GBE1: variants seen among roughly 807,000 people sequenced by gnomAD.
The protein encoded by GBE1 is 1,4-alpha-glucan branching enzyme 1, also known as 1,4-alpha-glucan-branching enzyme.
GBE1 carries 70 observed loss-of-function variants against 88.8 expected under a neutral mutation model. The observed-to-expected ratio is 0.79, with a 90% confidence interval of 0.65 to 0.96. The LOEUF (loss-of-function observed/expected upper bound fraction) is 0.96, where lower values mean the gene tolerates loss of function less well. GBE1 is among the 40% of genes least tolerant of loss of function. The pLI is 0.00. For missense variants in GBE1, 872 were observed against 871.0 expected (o/e 1.00, Z -0.01); for synonymous variants, 284 against 300.1 (o/e 0.95, Z 0.56).
intron 1 of GBE1, among the ~76,000 whole-genome samples, chr3:81,726,194 C>G (rs1472136129): frequency 3.3e-5 from 5 of 150,698 alleles, no homozygotes; most frequent in Admixed American, 3.3e-4. Context: ...TCTAACAATA[C>G]ATCCCCCTTC....
intron 1 of GBE1, among the ~76,000 whole-genome samples, chr3:81,747,991 G>A (rs575592227): frequency 2.0e-5 from 3 of 152,250 alleles, no homozygotes; most frequent in Admixed American, 6.5e-5. Context: ...ATGAAAGCAC[G>A]CACCTGTAAT....
chr3:81,717,517 T>C (rs1318923140), intron 1 of GBE1, among the ~76,000 whole-genome samples: 1 of 152,188 alleles, frequency 6.6e-6, no homozygotes, highest in Non-Finnish European at 1.5e-5. Context: ...TGTCTTTCAA[T>C]ATGGATGTTA....
chr3:81,548,582 C>T (rs371155868), intron 12 of GBE1, among the ~76,000 whole-genome samples: 5 of 151,122 alleles, frequency 3.3e-5, no homozygotes, highest in Admixed American at 2.0e-4. Context: ...CTTTGTCAAT[C>T]GTGTTTTTAA....
intron 8 of GBE1, among the ~76,000 whole-genome samples, chr3:81,593,692 C>A (rs1269098772): frequency 1.3e-5 from 2 of 152,030 alleles, no homozygotes; most frequent in Admixed American, 6.6e-5. Context: ...TTAAGCTACA[C>A]ACGAATTATA....
chr3:81,555,431 T>C (rs1385486309), intron 12 of GBE1, among the ~76,000 whole-genome samples: 1 of 152,130 alleles, frequency 6.6e-6, no homozygotes, highest in Non-Finnish European at 1.5e-5. Flanking sequence ...ATGACAGAAA[T>C]AGTATAGCAA....
At chr3:81,624,460 T>A (rs1704375640) in intron 7 of GBE1, among the ~76,000 whole-genome samples, 1 of 152,220 alleles carries the variant, frequency 6.6e-6, no homozygotes, top group African/African-American at 2.4e-5. Context: ...TTCATATATT[T>A]AATACAGAAA....
chr3:81,688,663 G>A (rs1705476676), intron 2 of GBE1, among the ~76,000 whole-genome samples: 1 of 151,950 alleles, frequency 6.6e-6, no homozygotes, highest in East Asian at 1.9e-4. Flanking sequence ...AGATTTAGGT[G>A]GTTCCTTTTG....
chr3:81,633,766 T>A (rs1425217291), intron 7 of GBE1, among the ~76,000 whole-genome samples: 1 of 152,192 alleles, frequency 6.6e-6, no homozygotes, highest in African/African-American at 2.4e-5. Flanking sequence ...TTGTCCTTAT[T>A]AGATTTGACT....
intron 3 of GBE1, among the ~76,000 whole-genome samples, chr3:81,658,429 T>C (rs909666925): frequency 8.5e-5 from 13 of 152,222 alleles, no homozygotes; most frequent in South Asian, 8.3e-4. Context: ...TATAAATATA[T>C]TACAATCTCA....
intron 14 of GBE1, among the ~76,000 whole-genome samples, chr3:81,511,617 G>A (rs564906412): frequency 3.6e-4 from 54 of 151,742 alleles, no homozygotes; most frequent in African/African-American, 1.2e-3. Flanking sequence ...AGAAATGCAC[G>A]TCAAAACCAC....
intron 2 of GBE1, among the ~76,000 whole-genome samples, chr3:81,678,403 T>C (rs1342585002): frequency 2.0e-5 from 3 of 152,186 alleles, no homozygotes; most frequent in African/African-American, 7.2e-5. Context: ...TGGGAGAAAA[T>C]AGTTTTATTA....
At chr3:81,556,198 T>C (rs749597651) in intron 12 of GBE1, among the ~76,000 whole-genome samples, 3 of 152,122 alleles carry the variant, frequency 2.0e-5, no homozygotes, top group Non-Finnish European at 4.4e-5. Flanking sequence ...AAATATGCTA[T>C]TATCACAGAT....
intron 1 of GBE1, among the ~76,000 whole-genome samples, chr3:81,734,223 T>C (rs919588020): frequency 5.3e-5 from 8 of 152,202 alleles, no homozygotes; most frequent in Admixed American, 6.6e-5. Flanking sequence ...ATTTCCTAAA[T>C]GTATTTTCCA....
chr3:81,616,899 T>C (rs748849202), intron 7 of GBE1, among the ~76,000 whole-genome samples: 25 of 152,198 alleles, frequency 1.6e-4, no homozygotes, highest in East Asian at 3.9e-4. Flanking sequence ...CATTCCTGTA[T>C]ATATTTTATT....
At chr3:81,624,725 A>T (rs1389420534) in intron 7 of GBE1, among the ~76,000 whole-genome samples, 1 of 152,168 alleles carries the variant, frequency 6.6e-6, no homozygotes, top group African/African-American at 2.4e-5. Context: ...GCCAGTTCAT[A>T]TCTATAAGGT....
chr3:81,588,052 A>G (rs576897466), intron 9 of GBE1, among the ~76,000 whole-genome samples: 2 of 151,730 alleles, frequency 1.3e-5, no homozygotes, highest in South Asian at 4.2e-4. Flanking sequence ...CTTACTTCCT[A>G]TAAAAGACTA....
intron 3 of GBE1, among the ~76,000 whole-genome samples, chr3:81,665,077 A>G (rs1192610879): frequency 6.6e-6 from 1 of 152,206 alleles, no homozygotes; most frequent in African/African-American, 2.4e-5. Flanking sequence ...AGTAATACAC[A>G]TTTATATATA....
At chr3:81,663,166 T>C (rs9852544) in intron 3 of GBE1, among the ~76,000 whole-genome samples, 42,071 of 151,984 alleles carry the variant, frequency 0.28, 7,244 homozygotes, top group African/African-American at 0.49. Context: ...GGCTCCACTC[T>C]CATGGACCTA....
intron 12 of GBE1, among the ~76,000 whole-genome samples, chr3:81,539,030 T>C (rs745789848): frequency 6.6e-6 from 1 of 152,060 alleles, no homozygotes; most frequent in African/African-American, 2.4e-5. Flanking sequence ...CCAGGCACGA[T>C]TGTAGGCATT....
Sources: gnomAD v4.1 joint callset for allele counts (sites outside exome capture counted in the v4.1 genomes callset) on GRCh38, gnomAD v4.1.1 for gene constraint, MANE v1.5 for transcripts, NCBI Gene and HGNC (gene_info 2026-07-23, HGNC 2026-07-21) for gene names.